The following IKZF2 variants were observed in gnomAD, a reference collection of about 807,000 sequenced individuals.
IKZF2 encodes the protein IKAROS family zinc finger 2, also known as zinc finger protein Helios.
A neutral mutation model predicts 49.2 loss-of-function variants in IKZF2; 15 were observed. The ratio of observed to expected loss-of-function variants is 0.30; its 90% confidence interval spans 0.20 to 0.47. IKZF2 has a LOEUF of 0.47. IKZF2 is among the 20% of genes least tolerant of loss of function. IKZF2 has a pLI of 1.00. For synonymous variants in IKZF2, 227 were observed against 221.4 expected, an observed-to-expected ratio of 1.03 and a Z score of -0.23; for missense variants, 567 against 664.6, an observed-to-expected ratio of 0.85 and a Z score of 1.61.
Position 213,013,796 on chromosome 2 carries a change from A to G in IKZF2, c.851T>C (p.Phe284Ser). The G allele has an allele frequency of 6.2e-7, 1 of 1,607,996 alleles. No homozygotes were observed. The highest frequency in any genetic ancestry group is 8.5e-7 in the Non-Finnish European group (1 of 1,177,050). ...AAAGCATTTGTAATGCTTACCCACAAACTTTTGTGGAGTGGAGCTTTTACG... is the reference window on the plus strand; with the variant it reads ...AAAGCATTTGTAATGCTTACCCACAGACTTTTGTGGAGTGGAGCTTTTACG... Reference protein sequence around the residue: ...GKRKSSTPQKFVGEKLMRFSY... With the variant: ...GKRKSSTPQKSVGEKLMRFSY... The change falls in exon 8 of 9, where the codon TTT becomes TCT. Residue 284 changes from phenylalanine to serine, a missense_variant. By Grantham distance (155) the Phe-to-Ser change is radical. Coordinates refer to ENST00000434687, the MANE Select transcript of IKZF2 (RefSeq NM_001387220.1).
chr2:213,090,612 G>T (rs544305729), intron 4 of IKZF2, among the ~76,000 whole-genome samples: 1 of 152,288 alleles, frequency 6.6e-6, no homozygotes, highest in East Asian at 1.9e-4. Flanking sequence ...CAGATGTAAT[G>T]AATTAAGGTA....
intron 6 of IKZF2, among the ~76,000 whole-genome samples, chr2:213,032,635 C>T (rs182205657): frequency 1.5e-3 from 231 of 152,192 alleles, no homozygotes; most frequent in Non-Finnish European, 2.9e-3. Flanking sequence ...CCCAGTTACT[C>T]GGGAGGCTGA....
intron 8 of IKZF2, among the ~76,000 whole-genome samples, chr2:213,009,411 G>T (rs543356672): frequency 6.6e-6 from 1 of 152,180 alleles, no homozygotes; most frequent in African/African-American, 2.4e-5. Context: ...AAATCTTACA[G>T]ATAAATGCTT....
rs1433663697 is a variant in IKZF2 at position 213,056,881 on chromosome 2, C to T, written c.358G>A (p.Val120Ile). ...ATAAGCACATTGGGCCCAATGCAAACCATGCCACAGACGTCACATTTCAGT... is the reference window on the plus strand; with the variant it reads ...ATAAGCACATTGGGCCCAATGCAAATCATGCCACAGACGTCACATTTCAGT... ...GKLKCDVCGM[V>I]CIGPNVLMVH... Residue 120 changes from valine (V) to isoleucine (I), a missense_variant, in exon 5 of 9, where the codon GTT becomes ATT. Physicochemically the swap from Val to Ile is conservative, Grantham distance 29. Around this residue, in one of 5 missense-constraint regions of IKZF2, gnomAD observed 54 missense variants for 119.9 expected, o/e 0.45. Coordinates refer to ENST00000434687, the MANE Select transcript of IKZF2 (RefSeq NM_001387220.1). 6.2e-7 allele frequency: 1 copy of T among 1,613,870 alleles called. No homozygotes were observed. The highest frequency in any genetic ancestry group is 8.5e-7 in the Non-Finnish European group (1 of 1,179,876).
chr2:213,056,453 C>T (rs6725579), intron 5 of IKZF2: 19 of 300,364 alleles, frequency 6.3e-5, no homozygotes, highest in Non-Finnish European at 1.0e-4. Flanking sequence ...TGCATGAGTG[C>T]CATTTTGTAG....
At chr2:213,039,393 A>G (rs966060934) in intron 6 of IKZF2, among the ~76,000 whole-genome samples, 1 of 152,032 alleles carries the variant, frequency 6.6e-6, no homozygotes, top group Non-Finnish European at 1.5e-5. Context: ...AGTTGGGAGG[A>G]AGTTGTTGTT....
intron 6 of IKZF2, among the ~76,000 whole-genome samples, chr2:213,030,747 T>C (rs1432069210): frequency 6.6e-6 from 1 of 151,856 alleles, no homozygotes; most frequent in Non-Finnish European, 1.5e-5. Context: ...GTGAACATAC[T>C]GTGAAGAACA....
chr2:213,142,865 C>G (rs1303979880), intron 4 of IKZF2, among the ~76,000 whole-genome samples: 2 of 151,808 alleles, frequency 1.3e-5, no homozygotes, highest in East Asian at 3.9e-4. Context: ...TAAAGGATGC[C>G]CCTCTACCTT....
chr2:213,124,264 A>AGTG (rs1559304535), intron 4 of IKZF2, among the ~76,000 whole-genome samples: 4 of 86,950 alleles, frequency 4.6e-5, no homozygotes, highest in African/African-American at 1.4e-4. Flanking sequence ...ACACACACAC[A>AGTG]CACACACACA....
chr2:213,081,676 A>C lies in IKZF2; in HGVS notation c.140-24577T>G, dbSNP rs183830918. On this transcript the variant is annotated intron_variant, in intron 4 of 8. Coordinates refer to ENST00000434687, the MANE Select transcript of IKZF2 (RefSeq NM_001387220.1). ...AAGGGGGAATAACATGTGCGAATGC[A>C]ATGGAGTATGAAAAATGGAGTGATC... Among the ~76,000 whole-genome samples the C allele has an allele frequency of 1.1e-3, 173 of 152,334 alleles. 3 individuals carry two copies. Among genetic ancestry groups the C allele is most frequent in the Non-Finnish European group, 5.7e-4 (39 of 68,030 alleles).
rs1695016162 is a variant in IKZF2 at position 213,002,770 on chromosome 2, T to A, written c.*4590A>T. ...TTTCTAACAGATTAGAAAATACAGA[T>A]TCCAAGACTAGAACAATACTAGTCT... On this transcript the variant is annotated 3_prime_UTR_variant, in exon 9 of 9. Coordinates refer to ENST00000434687, the MANE Select transcript of IKZF2 (RefSeq NM_001387220.1). 6.6e-6 allele frequency: 1 copy of A among 151,966 alleles called. No homozygotes were observed. The allele number at this position is 151,966 out of a possible 1,614,324, so 9.4% of individuals were successfully genotyped here.
chr2:213,105,785 A>G (rs1222663228), intron 4 of IKZF2, among the ~76,000 whole-genome samples: 2 of 152,210 alleles, frequency 1.3e-5, no homozygotes, highest in African/African-American at 4.8e-5. Context: ...GACTATTGAT[A>G]GGGTAACATC....
In IKZF2 at chr2:213,126,702, G is replaced by A. The variant is rs529210463; in HGVS notation, c.139+21006C>T. Among the ~76,000 whole-genome samples, 7 of 152,096 alleles carry A rather than the reference G, an allele frequency of 4.6e-5. No homozygotes were observed. The South Asian group carries it at 1.0e-3, about 23-fold the overall frequency. On this transcript the variant is annotated intron_variant, in intron 4 of 8. Transcript: ENST00000434687. ...GCAATAGGTACGTCATATGGTACAA[G>A]GGAACACAAAGAAAAAGAAATTTGA...
At chr2:213,033,417 A>G (rs1386478216) in intron 6 of IKZF2, among the ~76,000 whole-genome samples, 1 of 152,204 alleles carries the variant, frequency 6.6e-6, no homozygotes, top group Non-Finnish European at 1.5e-5. Flanking sequence ...CTTTGCCCAC[A>G]TCCATCATAG....
intron 6 of IKZF2, among the ~76,000 whole-genome samples, chr2:213,041,401 C>G (rs1699638452): frequency 6.6e-6 from 1 of 152,024 alleles, no homozygotes; most frequent in African/African-American, 2.4e-5. Context: ...CTCCCGGGAT[C>G]AAGCAATCCT....
In IKZF2 at chr2:213,007,835, C is replaced by A. The variant is rs1461374719; in HGVS notation, c.1106G>T (p.Ser369Ile). The A allele has an allele frequency of 6.2e-7, 1 of 1,613,550 alleles. No individual in the cohort carries two copies. The highest frequency in any genetic ancestry group is 8.5e-7 in the Non-Finnish European group (1 of 1,179,716). ...TTCATGACTATCAGCAGTTTCCCTG[C>A]TAATGGGTCTTTCTATCCTATTTGG... ...YHPNRIERPI[S>I]RETADSHENN... is the part of the protein sequence containing the mutation. The change falls in exon 9 of 9, where the codon AGC (serine) becomes ATC (isoleucine). Residue 369 changes from serine to isoleucine, a missense_variant. Transcript: ENST00000434687.
intron 4 of IKZF2, among the ~76,000 whole-genome samples, chr2:213,115,279 AT>A (rs34431937): frequency 0.37 from 56,089 of 152,038 alleles, 12,924 homozygotes; most frequent in East Asian, 0.73. Flanking sequence ...AACGATCCTA[AT>A]TTGAGGTATG....
At chr2:213,149,777 AC>A (rs112304660) in intron 2 of IKZF2, among the ~76,000 whole-genome samples, 3,106 of 98,178 alleles carry the variant, frequency 0.032, 83 homozygotes, top group African/African-American at 0.084. Flanking sequence ...ACACTCCCTT[AC>A]CCCCCCCCCA....
intron 4 of IKZF2, among the ~76,000 whole-genome samples, chr2:213,138,177 G>C (rs2060743545): frequency 6.6e-6 from 1 of 152,008 alleles, no homozygotes; most frequent in East Asian, 1.9e-4. Flanking sequence ...CAAGTATATG[G>C]AATTAAATCT....
Sources: allele counts gnomAD v4.1 joint callset (sites outside exome capture counted in the v4.1 genomes callset), GRCh38; gene constraint gnomAD v4.1.1; regional missense constraint gnomAD v4.1.1; transcripts MANE v1.5; gene names NCBI Gene and HGNC (gene_info 2026-07-23, HGNC 2026-07-21).